Variants in FAM117B observed in about 807,000 individuals in gnomAD.
The protein encoded by FAM117B is protein FAM117B.
FAM117B carries 22 observed loss-of-function variants against 52.8 expected under a neutral mutation model. The ratio of observed to expected loss-of-function variants is 0.42; its 90% confidence interval spans 0.30 to 0.59. FAM117B has a LOEUF of 0.59. Ranked by LOEUF, FAM117B falls within the 20% of genes least tolerant of loss-of-function variation. The pLI is 0.22. For missense variants in FAM117B, 678 were observed against 802.6 expected (o/e 0.84, Z 1.88); for synonymous variants, 309 against 324.1 (o/e 0.95, Z 0.50).
At chr2:202,644,076 T>G (rs544410819) in intron 1 of FAM117B, among the ~76,000 whole-genome samples, 20 of 146,902 alleles carry the variant, frequency 1.4e-4, no homozygotes, top group South Asian at 2.2e-4. Flanking sequence ...TTTTTTTTTT[T>G]TTTTTTTTCA....
chr2:202,692,887 G>C (rs71425956), intron 1 of FAM117B, among the ~76,000 whole-genome samples: 2,203 of 152,082 alleles, frequency 0.014, 30 homozygotes, highest in Non-Finnish European at 0.02. Flanking sequence ...GATCATATTT[G>C]TGTTCCAATA....
chr2:202,688,563 A>T (rs1263748362), intron 1 of FAM117B, among the ~76,000 whole-genome samples: 1 of 152,148 alleles, frequency 6.6e-6, no homozygotes, highest in Non-Finnish European at 1.5e-5. Context: ...AGAAGAAAAG[A>T]TCTCTAAGAT....
At position 202,664,438 on chromosome 2, in the gene FAM117B, G is replaced by T. The variant is rs145051566; in HGVS notation, c.601+28650G>T. Reference sequence around the variant, plus strand: ...AAGGCTTAGATTAGTCTTAGAATTGGCACAAGACGAGAATGAGACAACTGA... The same window carrying T: ...AAGGCTTAGATTAGTCTTAGAATTGTCACAAGACGAGAATGAGACAACTGA... On this transcript the variant is annotated intron_variant, in intron 1 of 7. Transcript: ENST00000392238. 4.7e-3 allele frequency among the ~76,000 whole-genome samples: 713 copies of T among 152,282 alleles called. 7 individuals carry two copies. The highest frequency in any genetic ancestry group is 0.016 in the African/African-American group (678 of 41,556).
rs1385382422 is a variant in FAM117B at position 202,635,726 on chromosome 2, C to T, written c.539C>T (p.Ser180Phe). Reference protein sequence around the residue: ...PPARVRHRRRSPEQSRSSPEK... With the variant: ...PPARVRHRRRFPEQSRSSPEK... ...GCCCGCGTCCGGCATCGGAGGAGGTCTCCGGAGCAGAGCCGAAGCTCGCCG... is the reference window on the plus strand; with the variant it reads ...GCCCGCGTCCGGCATCGGAGGAGGTTTCCGGAGCAGAGCCGAAGCTCGCCG... The change falls in exon 1 of 8, where the codon TCT becomes TTT. Residue 180 changes from serine (S) to phenylalanine (F), a missense_variant. This residue lies in a region of FAM117B where 583 missense variants were observed against 644.8 expected (regional missense o/e 0.90). Transcript: ENST00000392238. 1 of 1,454,960 alleles carries T rather than the reference C, an allele frequency of 6.9e-7. No homozygotes were observed. The highest frequency in any genetic ancestry group is 9.0e-7 in the Non-Finnish European group (1 of 1,106,666). The allele number at this position is 1,454,960 out of a possible 1,614,324, so 90.1% of individuals were successfully genotyped here. A position where few individuals can be genotyped will look rare whatever the true frequency, so the allele number is the denominator to read the frequency against.
intron 1 of FAM117B, among the ~76,000 whole-genome samples, chr2:202,683,260 C>T (rs1159653148): frequency 2.7e-5 from 4 of 150,182 alleles, no homozygotes; most frequent in East Asian, 2.0e-4. Flanking sequence ...CCCTGGGAGG[C>T]GGAGGGTACA....
intron 2 of FAM117B, among the ~76,000 whole-genome samples, chr2:202,716,076 GGGGAGA>G (rs1373806148): frequency 2.2e-4 from 33 of 152,320 alleles, no homozygotes; most frequent in East Asian, 7.7e-4. Flanking sequence ...ACCGTGGAAA[GGGGAGA>G]GGGAGAGGGA....
At chr2:202,719,948 A>G (rs1271384445) in intron 2 of FAM117B, among the ~76,000 whole-genome samples, 1 of 152,154 alleles carries the variant, frequency 6.6e-6, no homozygotes, top group East Asian at 1.9e-4. Context: ...TTTGTTAGGA[A>G]TACTGTATGT....
At chr2:202,671,672 A>G (rs1690300352) in intron 1 of FAM117B, among the ~76,000 whole-genome samples, 1 of 152,256 alleles carries the variant, frequency 6.6e-6, no homozygotes, top group Admixed American at 6.5e-5. Flanking sequence ...TATTCTCAAA[A>G]CAGGTGAATT....
chr2:202,710,741 A>G (rs1193770541), intron 2 of FAM117B, among the ~76,000 whole-genome samples: 1 of 152,040 alleles, frequency 6.6e-6, no homozygotes, highest in African/African-American at 2.4e-5. Flanking sequence ...TCTGATAACC[A>G]TCCTTCTACT....
chr2:202,752,221 C>A (rs1036640769), intron 4 of FAM117B, among the ~76,000 whole-genome samples: 5 of 152,052 alleles, frequency 3.3e-5, no homozygotes, highest in African/African-American at 1.2e-4. Flanking sequence ...GGCACCATAC[C>A]AGGTTTCCTG....
chr2:202,663,687 G>A (rs1345675744), intron 1 of FAM117B, among the ~76,000 whole-genome samples: 1 of 151,034 alleles, frequency 6.6e-6, no homozygotes, highest in Non-Finnish European at 1.5e-5. Context: ...AGGTTCAAGC[G>A]ATTCTCCTGC....
At chr2:202,645,273 T>A (rs1689842224) in intron 1 of FAM117B, among the ~76,000 whole-genome samples, 1 of 149,030 alleles carries the variant, frequency 6.7e-6, no homozygotes, top group South Asian at 2.1e-4. Flanking sequence ...CCTGTTTCTT[T>A]TTTTTCTTTC....
At chr2:202,698,086 A>G (rs1325960926) in intron 2 of FAM117B, among the ~76,000 whole-genome samples, 2 of 152,002 alleles carry the variant, frequency 1.3e-5, no homozygotes, top group Non-Finnish European at 2.9e-5. Context: ...GGCCATGCTT[A>G]TCTCGAACTC....
In FAM117B at chr2:202,635,092, TG is replaced by T; in HGVS notation, c.-90del. On this transcript the variant is annotated 5_prime_UTR_variant, in exon 1 of 8. Transcript: ENST00000392238. ...GGAGTCCGGCTTCGTCACCCCGTCT[TG>T]GGGGGCCTGCCCTCCGGCCTCGAGA... The T allele has an allele frequency of 1.6e-6, 2 of 1,236,004 alleles. No individual in the cohort carries two copies. The highest frequency in any genetic ancestry group is 4.3e-5 in the Admixed American group (1 of 23,442). 76.6% of individuals were successfully genotyped at this position (1,236,004 alleles called of 1,614,324 possible).
intron 1 of FAM117B, among the ~76,000 whole-genome samples, chr2:202,638,049 T>C (rs1389539567): frequency 6.6e-6 from 1 of 152,058 alleles, no homozygotes; most frequent in Non-Finnish European, 1.5e-5. Flanking sequence ...GCTAATTTTG[T>C]GTTTTTAGTA....
At position 202,635,331 on chromosome 2, in the gene FAM117B, G is replaced by C; in HGVS notation, c.144G>C (p.Gln48His). The change falls in exon 1 of 8, where the codon CAG (glutamine) becomes CAC (histidine). Residue 48 changes from glutamine to histidine, a missense_variant. Around this residue, in one of 3 missense-constraint regions of FAM117B, gnomAD observed 583 missense variants for 644.8 expected, o/e 0.90. Coordinates refer to ENST00000392238, the MANE Select transcript of FAM117B (RefSeq NM_173511.4). ...CGTTCCAGCTGAAGCAGCAGCAGCA[G>C]CAGCAACATGGCAGCCCCACGCGGA... is the stretch of plus-strand genomic sequence containing the variant. ...TVPFQLKQQQQQQHGSPTRSG... is the reference protein window; with the variant it reads ...TVPFQLKQQQHQQHGSPTRSG... 2 of 1,417,652 alleles carry C rather than the reference G, an allele frequency of 1.4e-6. No homozygotes were observed. The highest frequency in any genetic ancestry group is 1.8e-6 in the Non-Finnish European group (2 of 1,084,982). The allele number at this position is 1,417,652 out of a possible 1,614,324, so 87.8% of individuals were successfully genotyped here. A position where few individuals can be genotyped will look rare whatever the true frequency, so the allele number is the denominator to read the frequency against.
chr2:202,655,728 G>C (rs868670228), intron 1 of FAM117B, among the ~76,000 whole-genome samples: 6,194 of 145,944 alleles, frequency 0.042, 530 homozygotes, highest in African/African-American at 0.15. Context: ...GAGAGAGAGA[G>C]AGAGAGAGAG....
At chr2:202,660,592 T>G (rs769506268) in intron 1 of FAM117B, among the ~76,000 whole-genome samples, 1 of 151,910 alleles carries the variant, frequency 6.6e-6, no homozygotes, top group Non-Finnish European at 1.5e-5. Flanking sequence ...GATTTAGGAG[T>G]GTTCCTTTTT....
chr2:202,707,146 A>G (rs973359900), intron 2 of FAM117B, among the ~76,000 whole-genome samples: 1 of 151,672 alleles, frequency 6.6e-6, no homozygotes, highest in South Asian at 2.1e-4. Flanking sequence ...TGATTAAGCA[A>G]TCCTCCCTCC....
Sources: allele counts gnomAD v4.1 joint callset (sites outside exome capture counted in the v4.1 genomes callset), GRCh38; gene constraint gnomAD v4.1.1; regional missense constraint gnomAD v4.1.1; transcripts MANE v1.5; gene names NCBI Gene and HGNC (gene_info 2026-07-23, HGNC 2026-07-21).